NBPF3: variants seen among roughly 807,000 people sequenced by gnomAD.
NBPF3 encodes the protein NBPF member 3.
In NBPF3, 57 loss-of-function variants were observed where a neutral mutation model predicts 78.1. The observed-to-expected ratio is 0.73, with a 90% CI of 0.59 to 0.91. The LOEUF (loss-of-function observed/expected upper bound fraction) is 0.91, where lower values mean the gene tolerates loss of function less well. Among genes scored for constraint, NBPF3 ranks in the 40% least tolerant of loss-of-function variants. The pLI is 0.00. For synonymous variants in NBPF3, 182 were observed against 271.7 expected, an observed-to-expected ratio of 0.67 and a Z score of 3.25; for missense variants, 510 against 715.3, an observed-to-expected ratio of 0.71 and a Z score of 3.27.
At chr1:21,473,863 T>G (rs1441570054) in intron 7 of NBPF3, among the ~76,000 whole-genome samples, 4 of 152,234 alleles carry the variant, frequency 2.6e-5, no homozygotes, top group Non-Finnish European at 5.9e-5. Flanking sequence ...GTACCTTTGA[T>G]TCAGTATCTC....
chr1:21,448,587 C>T (rs548395622), intron 2 of NBPF3, among the ~76,000 whole-genome samples: 22 of 152,220 alleles, frequency 1.4e-4, no homozygotes, highest in African/African-American at 4.8e-4. Context: ...GGGGGGTTTT[C>T]GGAACTTCAT....
In NBPF3 at chr1:21,475,087, G is replaced by A. The variant is rs552297828; in HGVS notation, c.992+136G>A. On this transcript the variant is annotated intron_variant, in intron 8 of 14. Transcript: ENST00000318249. ...ACAAGTTGTCCTTATTAACAATGTT[G>A]TACATTATTTGTGGCCCTTGTGTTG... 2.8e-5 allele frequency: 21 copies of A among 752,724 alleles called. No individual in the cohort carries two copies. In the South Asian group the frequency reaches 3.2e-4, roughly 11 times the overall value. The allele number at this position is 752,724 out of a possible 1,614,324, so 46.6% of individuals were successfully genotyped here.
chr1:21,473,416 G>A lies in NBPF3; in HGVS notation c.771G>A (p.Glu257=). Residue 257 remains glutamate, a synonymous_variant, in exon 7 of 15, where the codon GAG becomes GAA. Coordinates refer to ENST00000318249, the MANE Select transcript of NBPF3 (RefSeq NM_032264.6). ...AGGCTGAAGAAAAGGAAGTCCCTGA[G>A]GACTCACTGGAGGAGTGTGCCATCA... ...VQKAEEKEVP[E]DSLEECAITC... is the part of the protein sequence containing the mutation. 1.2e-6 allele frequency: 2 copies of A among 1,614,170 alleles called. No individual in the cohort carries two copies. The highest frequency in any genetic ancestry group is 1.7e-6 in the Non-Finnish European group (2 of 1,180,028).
At position 21,479,392 on chromosome 1, in the gene NBPF3, A is replaced by G. The variant is rs772507284; in HGVS notation, c.1200A>G (p.Thr400=). 44 of 1,610,522 alleles carry G rather than the reference A, an allele frequency of 2.7e-5. No individual in the cohort carries two copies. The highest frequency in any genetic ancestry group is 3.6e-5 in the Non-Finnish European group (43 of 1,178,306). ...DQVKKEDQEA[T]SPRLSRELLD... ...TGAAAAAGGAGGACCAAGAGGCCAC[A>G]AGTCCCAGGTGAGTCTGAGAAATTA... is the stretch of plus-strand genomic sequence containing the variant. The change falls in exon 10 of 15, where the codon ACA becomes ACG. Residue 400 remains threonine, a synonymous_variant. Coordinates refer to ENST00000318249, the MANE Select transcript of NBPF3 (RefSeq NM_032264.6).
chr1:21,437,452 G>C, upstream of NBPF3: 1 of 1,430,262 alleles, frequency 7.0e-7, no homozygotes, highest in Admixed American at 2.1e-5. Context: ...TGCGGGACAA[G>C]ACCGAGGGCA....
chr1:21,470,684 G>A lies in NBPF3; in HGVS notation c.396G>A (p.Leu132=). ...AATCTATGCTGAGGGATGAGCGGCT[G>A]CTCACAGAAGAGAAGCTTGCAGAGG... The part of the protein sequence containing the change: ...LIKSMLRDER[L]LTEEKLAEEL... Residue 132 remains leucine (L), a synonymous_variant, in exon 4 of 15, where the codon CTG becomes CTA. Transcript: ENST00000318249. 1 of 1,601,452 alleles carries A rather than the reference G, an allele frequency of 6.2e-7. No individual in the cohort carries two copies. The highest frequency in any genetic ancestry group is 8.5e-7 in the Non-Finnish European group (1 of 1,171,720).
chr1:21,456,632 T>C (rs1377647099), intron 2 of NBPF3, among the ~76,000 whole-genome samples: 1 of 107,816 alleles, frequency 9.3e-6, no homozygotes, highest in Non-Finnish European at 2.4e-5. Context: ...AGTAAAAGCA[T>C]TTGGCAAAAT....
chr1:21,473,573 T>C lies in NBPF3; in HGVS notation c.928T>C (p.Cys310Arg). The change falls in exon 7 of 15, where the codon TGC becomes CGC. Residue 310 changes from cysteine to arginine, a missense_variant. By Grantham distance (180) the Cys-to-Arg change is radical. Coordinates refer to ENST00000318249, the MANE Select transcript of NBPF3 (RefSeq NM_032264.6). ...SSHDEWLDAV[C>R]IIPENESDHE... ...TCATGATGAATGGTTGGATGCTGTA[T>C]GCATTATCCCAGGTAGCCTCTATTT... 6.2e-7 allele frequency: 1 copy of C among 1,614,014 alleles called. No homozygotes were observed. Among genetic ancestry groups the C allele is most frequent in the South Asian group, 1.1e-5 (1 of 91,076 alleles).
chr1:21,461,433 A>C (rs908209473), intron 2 of NBPF3, among the ~76,000 whole-genome samples: 23 of 152,226 alleles, frequency 1.5e-4, no homozygotes, highest in African/African-American at 5.5e-4. Flanking sequence ...TAAGCACCTG[A>C]GTAGGAGAAG....
chr1:21,471,487 C>A, intron 4 of NBPF3, 82 bp from the exon 5 acceptor site: 1 of 1,602,620 alleles, frequency 6.2e-7, no homozygotes, highest in South Asian at 1.1e-5. Context: ...AGGACATTGT[C>A]TCAGAAATCT....
chr1:21,466,018 C>T (rs1642241287), intron 2 of NBPF3: 3 of 626,202 alleles, frequency 4.8e-6, no homozygotes, highest in Non-Finnish European at 6.0e-6. Context: ...CACAGCTGCC[C>T]ACTCTACAGT....
At chr1:21,439,058 C>T (rs1020681824), upstream of NBPF3, among the ~76,000 whole-genome samples, 5 of 152,156 alleles carry the variant, frequency 3.3e-5, no homozygotes, top group African/African-American at 4.8e-5. Context: ...CTCTTTGGAA[C>T]GCTCTTCCTG....
chr1:21,473,480 C>A lies in NBPF3; in HGVS notation c.835C>A (p.Pro279Thr), dbSNP rs1174523528. 1 of 1,614,182 alleles carries A rather than the reference C, an allele frequency of 6.2e-7. No homozygotes were observed. Among genetic ancestry groups the A allele is most frequent in the Non-Finnish European group, 8.5e-7 (1 of 1,180,036 alleles). The part of the protein sequence containing the change: ...NSHHPCESNQ[P>T]YGNTRITFEE... Reference sequence around the variant, plus strand: ...CCACCACCCTTGTGAGTCCAACCAGCCTTACGGGAACACCAGAATCACATT... The same window carrying A: ...CCACCACCCTTGTGAGTCCAACCAGACTTACGGGAACACCAGAATCACATT... Residue 279 changes from proline to threonine, a missense_variant, in exon 7 of 15, where the codon CCT becomes ACT. Pro to Thr is a conservative substitution (Grantham distance 38). Transcript: ENST00000318249.
chr1:21,452,492 G>T (rs1259071924), intron 2 of NBPF3, among the ~76,000 whole-genome samples: 1 of 152,230 alleles, frequency 6.6e-6, no homozygotes, highest in African/African-American at 2.4e-5. Flanking sequence ...TCAACCTACA[G>T]GGGAGATAGT....
chr1:21,477,744 C>T (rs1309360420), intron 8 of NBPF3, among the ~76,000 whole-genome samples: 1 of 152,060 alleles, frequency 6.6e-6, no homozygotes, highest in Non-Finnish European at 1.5e-5. Context: ...AAAAAGGGGA[C>T]CCTTAATACA....
intron 2 of NBPF3, among the ~76,000 whole-genome samples, chr1:21,450,291 G>A (rs1354016280): frequency 6.6e-6 from 1 of 152,190 alleles, no homozygotes; most frequent in Non-Finnish European, 1.5e-5. Flanking sequence ...GACTCCAGAG[G>A]CAACCTGCTT....
chr1:21,449,683 T>G (rs1334839147), intron 2 of NBPF3: 1 of 152,128 alleles, frequency 6.6e-6, no homozygotes, highest in Non-Finnish European at 1.5e-5. Context: ...GTTGGCCAGG[T>G]TGGTCTCTAA....
chr1:21,444,178 A>G (rs538401288), intron 1 of NBPF3, among the ~76,000 whole-genome samples: 6 of 152,382 alleles, frequency 3.9e-5, no homozygotes, highest in African/African-American at 1.4e-4. Context: ...TACTAATACC[A>G]TATTCAACAA....
At chr1:21,470,963 G>T (rs1023638361) in intron 4 of NBPF3, among the ~76,000 whole-genome samples, 2 of 152,174 alleles carry the variant, frequency 1.3e-5, no homozygotes, top group African/African-American at 2.4e-5. Context: ...ACAAGTAATT[G>T]TTGAGGTGAA....
Sources: allele counts gnomAD v4.1 joint callset (sites outside exome capture counted in the v4.1 genomes callset), GRCh38; gene constraint gnomAD v4.1.1; transcripts MANE v1.5; gene names NCBI Gene and HGNC (gene_info 2026-07-23, HGNC 2026-07-21).